The following ERBB4 variants were observed in gnomAD, a reference collection of about 807,000 sequenced individuals.
The protein encoded by ERBB4 is erb-b2 receptor tyrosine kinase 4.
A neutral mutation model predicts 158.0 loss-of-function variants in ERBB4; 42 were observed. The ratio of observed to expected loss-of-function variants is 0.27; its 90% CI spans 0.21 to 0.34. ERBB4 has a LOEUF of 0.34. ERBB4 is among the 10% of genes least tolerant of loss of function. The pLI is 1.00. For synonymous variants in ERBB4, 583 were observed against 558.7 expected, an observed-to-expected ratio of 1.04 and a Z score of -0.61; for missense variants, 1,333 against 1,624.1, an observed-to-expected ratio of 0.82 and a Z score of 3.08.
chr2:212,068,671 T>C (rs1235650785), intron 2 of ERBB4, among the ~76,000 whole-genome samples: 3 of 152,060 alleles, frequency 2.0e-5, no homozygotes, highest in Admixed American at 6.6e-5. Flanking sequence ...AAAAGACTAA[T>C]ACGCTCTTTG....
intron 3 of ERBB4, among the ~76,000 whole-genome samples, chr2:211,886,659 C>T (rs2078809363): frequency 6.6e-6 from 1 of 152,070 alleles, no homozygotes; most frequent in African/African-American, 2.4e-5. Context: ...GACGGCTATG[C>T]TGTAATTATA....
intron 20 of ERBB4, among the ~76,000 whole-genome samples, chr2:211,496,835 T>A (rs1439229131): frequency 2.0e-5 from 3 of 152,142 alleles, no homozygotes; most frequent in Non-Finnish European, 2.9e-5. Flanking sequence ...CACGTTTCTA[T>A]CTCCCCTACT....
At chr2:211,678,731 C>G (rs575215524) in intron 13 of ERBB4, among the ~76,000 whole-genome samples, 1 of 152,024 alleles carries the variant, frequency 6.6e-6, no homozygotes, top group East Asian at 1.9e-4. Context: ...CTTTGGGAGG[C>G]CAAGGCAGGC....
chr2:211,662,974 T>C (rs2071488799), intron 15 of ERBB4, among the ~76,000 whole-genome samples: 1 of 152,172 alleles, frequency 6.6e-6, no homozygotes, highest in Admixed American at 6.5e-5. Context: ...GATAGGTCGA[T>C]TATTACATGT....
At chr2:212,104,903 T>G (rs1250231607) in intron 2 of ERBB4, among the ~76,000 whole-genome samples, 1 of 152,182 alleles carries the variant, frequency 6.6e-6, no homozygotes, top group Non-Finnish European at 1.5e-5. Context: ...ATTTGACCCC[T>G]TGTGGGTGTT....
intron 3 of ERBB4, among the ~76,000 whole-genome samples, chr2:211,842,710 T>C (rs187338674): frequency 6.6e-6 from 1 of 152,256 alleles, no homozygotes; most frequent in Non-Finnish European, 1.5e-5. Flanking sequence ...ACTGAGTTTA[T>C]TTATATTCAA....
chr2:212,445,304 G>C (rs1413522018), intron 1 of ERBB4, among the ~76,000 whole-genome samples: 1 of 152,122 alleles, frequency 6.6e-6, no homozygotes. Flanking sequence ...GAATCAAGGG[G>C]TAGAAGTAAA....
chr2:211,393,744 T>TGTAGC lies in ERBB4; in HGVS notation c.3136-5753_3136-5752insGCTAC, dbSNP rs1261879216. Among the ~76,000 whole-genome samples, 4 of 20,116 alleles carry TGTAGC rather than the reference T, an allele frequency of 2.0e-4. No homozygotes were observed. The Admixed American group carries it at 2.0e-3, about 10-fold the overall frequency. The allele number at this position is 20,116 out of a possible 152,430, so 13.2% of individuals were successfully genotyped here. On this transcript the variant is annotated intron_variant, in intron 25 of 27. Coordinates refer to ENST00000342788, the MANE Select transcript of ERBB4 (RefSeq NM_005235.3). ...TTGAGTATTAAGAGTTAATAGCGTG[T>TGTAGC]GTGTGTGTGTGTGTGTGTGTGTGTG...
At chr2:212,298,476 A>C (rs1247095120) in intron 1 of ERBB4, among the ~76,000 whole-genome samples, 1 of 151,698 alleles carries the variant, frequency 6.6e-6, no homozygotes, top group Non-Finnish European at 1.5e-5. Flanking sequence ...ATTGGAAAAT[A>C]GTTTTCCCTG....
chr2:212,205,814 T>A (rs2082729129), intron 1 of ERBB4, among the ~76,000 whole-genome samples: 1 of 152,188 alleles, frequency 6.6e-6, no homozygotes, highest in East Asian at 1.9e-4. Flanking sequence ...GAATCATGTT[T>A]TAAAAGCAAA....
intron 25 of ERBB4, among the ~76,000 whole-genome samples, chr2:211,396,016 GA>G (rs925667581): frequency 1.2e-3 from 164 of 138,936 alleles, no homozygotes; most frequent in African/African-American, 2.1e-3. Flanking sequence ...CTAAGAATAA[GA>G]AAAAAAAAAA....
intron 20 of ERBB4, among the ~76,000 whole-genome samples, chr2:211,495,167 A>G (rs537296861): frequency 6.6e-6 from 1 of 152,214 alleles, no homozygotes; most frequent in East Asian, 1.9e-4. Flanking sequence ...GAGTAAGAAG[A>G]GCTATGAAAT....
rs554358114 is a variant in ERBB4, at chr2:212,517,759, GA to G, written c.82+20689del. On this transcript the variant is annotated intron_variant, in intron 1 of 27. Coordinates refer to ENST00000342788, the MANE Select transcript of ERBB4 (RefSeq NM_005235.3). ...TGACATAATACAGCTATTTTTTAAT[GA>G]AAAAAGTTATATAGCATTATCTCAC... Among the ~76,000 whole-genome samples the G allele has an allele frequency of 2.6e-5, 4 of 152,074 alleles. No individual in the cohort carries two copies. The South Asian group carries it at 8.3e-4, about 32-fold the overall frequency.
At chr2:211,871,766 A>G (rs1303936530) in intron 3 of ERBB4, among the ~76,000 whole-genome samples, 2 of 152,216 alleles carry the variant, frequency 1.3e-5, no homozygotes, top group Admixed American at 6.5e-5. Flanking sequence ...TTTAAACTCT[A>G]TCTAAAGAAG....
At chr2:212,522,998 T>C (rs1206295724) in intron 1 of ERBB4, among the ~76,000 whole-genome samples, 1 of 151,954 alleles carries the variant, frequency 6.6e-6, no homozygotes, top group Non-Finnish European at 1.5e-5. Context: ...AGAAATGCAG[T>C]CTTCATACAG....
intron 5 of ERBB4, among the ~76,000 whole-genome samples, chr2:211,738,358 T>TTTGTTTTG (rs2074673172): frequency 2.5e-5 from 1 of 39,942 alleles, no homozygotes; most frequent in African/African-American, 1.8e-4. Flanking sequence ...TTCCTTTGTT[T>TTTGTTTTG]TTGTTTTTTT....
intron 3 of ERBB4, among the ~76,000 whole-genome samples, chr2:211,943,621 T>C (rs1344348314): frequency 6.6e-6 from 1 of 152,108 alleles, no homozygotes; most frequent in Non-Finnish European, 1.5e-5. Flanking sequence ...CACTCCTTTA[T>C]AGATTGTGTG....
intron 3 of ERBB4, among the ~76,000 whole-genome samples, chr2:211,922,504 C>T (rs1377557703): frequency 6.6e-6 from 1 of 151,858 alleles, no homozygotes; most frequent in Non-Finnish European, 1.5e-5. Flanking sequence ...GTGTCTTAGA[C>T]AATAAGAAAT....
At chr2:212,108,450 A>C (rs1194878973) in intron 2 of ERBB4, among the ~76,000 whole-genome samples, 3 of 152,234 alleles carry the variant, frequency 2.0e-5, no homozygotes, top group Non-Finnish European at 4.4e-5. Context: ...ATAAGCACTC[A>C]AGATCAAAGG....
Sources: allele counts gnomAD v4.1 joint callset (sites outside exome capture counted in the v4.1 genomes callset), GRCh38; gene constraint gnomAD v4.1.1; transcripts MANE v1.5; gene names NCBI Gene and HGNC (gene_info 2026-07-23, HGNC 2026-07-21).